GRM8: variants seen among roughly 807,000 people sequenced by gnomAD.
GRM8 encodes the protein metabotropic glutamate receptor 8.
A neutral mutation model predicts 87.2 loss-of-function variants in GRM8; 47 were observed. That is an observed-to-expected ratio of 0.54 (90% CI 0.43 to 0.69). The LOEUF (loss-of-function observed/expected upper bound fraction) is 0.69. GRM8 is among the 30% of genes least tolerant of loss of function. GRM8 has a pLI of 0.00. For synonymous variants in GRM8, 396 were observed against 404.5 expected (o/e 0.98, Z 0.25); for missense variants, 1,019 against 1,139.2 (o/e 0.89, Z 1.52).
chr7:126,514,273 C>T (rs1438842397), intron 9 of GRM8, among the ~76,000 whole-genome samples: 2 of 152,070 alleles, frequency 1.3e-5, no homozygotes, highest in Non-Finnish European at 2.9e-5. Context: ...ATGTGAAGGA[C>T]GATGCATCCA....
chr7:126,464,820 TGTTGTTTCCATGTATATCTTA>T (rs1563034591), intron 9 of GRM8, among the ~76,000 whole-genome samples: 1 of 151,802 alleles, frequency 6.6e-6, no homozygotes, highest in Non-Finnish European at 1.5e-5. Flanking sequence ...TTGAGGTTTT[TGTTGTTTCCATGTATATCTTA>T]GTGTATTGTC....
intron 6 of GRM8, among the ~76,000 whole-genome samples, chr7:126,871,917 A>T (rs2130906568): frequency 6.6e-6 from 1 of 152,348 alleles, no homozygotes; most frequent in African/African-American, 2.4e-5. Context: ...GGTTGATCAT[A>T]AACTAAAATA....
At chr7:126,615,572 A>G (rs62477894) in intron 7 of GRM8, among the ~76,000 whole-genome samples, 48,672 of 152,116 alleles carry the variant, frequency 0.32, 8,419 homozygotes, top group East Asian at 0.43. Context: ...TAAAAGACAC[A>G]GACTGGCAAA....
intron 8 of GRM8, among the ~76,000 whole-genome samples, chr7:126,572,678 G>A (rs1794783914): frequency 6.6e-6 from 1 of 152,150 alleles, no homozygotes; most frequent in African/African-American, 2.4e-5. Context: ...CACCTATCCT[G>A]GGAATTTCTT....
intron 9 of GRM8, among the ~76,000 whole-genome samples, chr7:126,457,745 G>C (rs1803416953): frequency 6.7e-6 from 1 of 149,792 alleles, no homozygotes; most frequent in Non-Finnish European, 1.5e-5. Flanking sequence ...CTAAAGAAAA[G>C]GGAGAGAAAA....
chr7:126,946,295 A>T (rs1181387454), intron 3 of GRM8, among the ~76,000 whole-genome samples: 1 of 152,214 alleles, frequency 6.6e-6, no homozygotes, highest in Non-Finnish European at 1.5e-5. Context: ...TGAGTCCAGG[A>T]GTTCAAGACC....
At chr7:126,967,391 G>T (rs532302249) in intron 3 of GRM8, among the ~76,000 whole-genome samples, 1 of 152,076 alleles carries the variant, frequency 6.6e-6, no homozygotes, top group South Asian at 2.1e-4. Context: ...TTCCTCCTAT[G>T]ACTCACATCA....
chr7:126,802,268 C>T (rs890005841), intron 6 of GRM8, among the ~76,000 whole-genome samples: 1 of 152,080 alleles, frequency 6.6e-6, no homozygotes, highest in African/African-American at 2.4e-5. Flanking sequence ...GGGTGATGTA[C>T]TATAGATGTT....
At chr7:126,446,823 C>G (rs553908372) in intron 9 of GRM8, among the ~76,000 whole-genome samples, 44 of 151,906 alleles carry the variant, frequency 2.9e-4, no homozygotes, top group Admixed American at 2.0e-3. Flanking sequence ...CAGAACATCA[C>G]TATTACACAC....
chr7:127,191,342 T>C (rs186272292), intron 2 of GRM8, among the ~76,000 whole-genome samples: 2 of 152,320 alleles, frequency 1.3e-5, no homozygotes, highest in East Asian at 3.9e-4. Flanking sequence ...ACTACCTACA[T>C]TGTTTTTATC....
At chr7:126,525,026 T>C (rs1306942787) in intron 9 of GRM8, among the ~76,000 whole-genome samples, 1 of 152,234 alleles carries the variant, frequency 6.6e-6, no homozygotes, top group Non-Finnish European at 1.5e-5. Context: ...TTTAAAATTC[T>C]GCTCTGGGTT....
At chr7:126,561,732 G>C (rs1013790367) in intron 8 of GRM8, among the ~76,000 whole-genome samples, 5 of 150,856 alleles carry the variant, frequency 3.3e-5, no homozygotes, top group Admixed American at 6.6e-5. Flanking sequence ...CCCATTAACT[G>C]GTCATTTAGC....
chr7:126,776,306 T>C (rs1184839896), intron 6 of GRM8, among the ~76,000 whole-genome samples: 1 of 152,094 alleles, frequency 6.6e-6, no homozygotes, highest in Non-Finnish European at 1.5e-5. Context: ...AGAGGCCAAA[T>C]TGACAGAATC....
intron 6 of GRM8, among the ~76,000 whole-genome samples, chr7:126,838,522 A>G (rs961075014): frequency 1.3e-5 from 2 of 152,318 alleles, no homozygotes; most frequent in Admixed American, 6.5e-5. Flanking sequence ...TATCAAGGGG[A>G]AAGTGTTTTA....
chr7:126,493,948 C>T (rs1279264064), intron 9 of GRM8, among the ~76,000 whole-genome samples: 1 of 151,962 alleles, frequency 6.6e-6, no homozygotes, highest in Non-Finnish European at 1.5e-5. Flanking sequence ...TCATGAGGAG[C>T]AGCTTCCCTG....
intron 9 of GRM8, chr7:126,511,110 T>C (rs1267673563): frequency 6.6e-6 from 1 of 152,132 alleles, no homozygotes; most frequent in African/African-American, 2.4e-5. Context: ...GAGATATCTA[T>C]AAGCAGGTAG....
At chr7:127,096,095 G>A (rs1428123354) in intron 3 of GRM8, among the ~76,000 whole-genome samples, 1 of 152,212 alleles carries the variant, frequency 6.6e-6, no homozygotes, top group East Asian at 1.9e-4. Context: ...GAAACAATAA[G>A]ATTGATCACT....
rs563686892 is a variant in GRM8, at chr7:127,040,232, C to T, written c.727+66264G>A. ...TCTCCCTGCCATGCTGAGTCAGCAACCAAGAACAGTTCACGGGCAGCATTG... is the reference window on the plus strand; with the variant it reads ...TCTCCCTGCCATGCTGAGTCAGCAATCAAGAACAGTTCACGGGCAGCATTG... On this transcript the variant is annotated intron_variant, in intron 3 of 10. Coordinates refer to ENST00000339582, the MANE Select transcript of GRM8 (RefSeq NM_000845.3). Among the ~76,000 whole-genome samples the T allele has an allele frequency of 9.2e-5, 14 of 152,102 alleles. No individual in the cohort carries two copies. The South Asian group carries it at 2.9e-3, about 32-fold the overall frequency.
At chr7:126,439,601 T>A (rs145640787) in intron 10 of GRM8, among the ~76,000 whole-genome samples, 1 of 152,158 alleles carries the variant, frequency 6.6e-6, no homozygotes, top group Non-Finnish European at 1.5e-5. Context: ...TACTACACTA[T>A]ACTTTTTATC....
Sources: gnomAD v4.1 joint callset for allele counts (sites outside exome capture counted in the v4.1 genomes callset) on GRCh38, gnomAD v4.1.1 for gene constraint, MANE v1.5 for transcripts, NCBI Gene and HGNC (gene_info 2026-07-23, HGNC 2026-07-21) for gene names.